Variants in FGF13 observed in about 807,000 individuals in gnomAD.
The protein encoded by FGF13 is fibroblast growth factor 13.
Under a neutral mutation model 19.5 loss-of-function variants are expected in FGF13, and 2 were observed. The ratio of observed to expected loss-of-function variants is 0.10; its 90% CI spans 0.04 to 0.32. The LOEUF is 0.32. Among genes scored for constraint, FGF13 ranks in the 10% least tolerant of loss-of-function variants. FGF13 has a pLI of 1.00. For synonymous variants in FGF13, 72 were observed against 76.9 expected (o/e 0.94, Z 0.33); for missense variants, 113 against 192.7 (o/e 0.59, Z 2.45).
intron 1 of FGF13, among the ~76,000 whole-genome samples, chrX:139,073,096 T>C (rs2092381854): frequency 9.2e-6 from 1 of 108,885 alleles, no homozygotes; most frequent in Non-Finnish European, 1.9e-5. Flanking sequence ...CAACGTTTCA[T>C]TGTATTGTTT....
chrX:138,902,404 C>T (rs1261918408), intron 1 of FGF13, among the ~76,000 whole-genome samples: 1 of 112,138 alleles, frequency 8.9e-6, no homozygotes, highest in Non-Finnish European at 1.9e-5. Flanking sequence ...ATCTTGTTCT[C>T]ATATGATCTT....
At chrX:139,204,377 C>G (rs1361844488), upstream of FGF13, 1 of 253,396 alleles carries the variant, frequency 3.9e-6, no homozygotes, top group Non-Finnish European at 6.9e-6. Flanking sequence ...CCGCTCGCCG[C>G]GCTCAAGAAG....
intron 1 of FGF13, among the ~76,000 whole-genome samples, chrX:138,976,256 T>G (rs2091939110): frequency 9.0e-6 from 1 of 111,685 alleles, no homozygotes; most frequent in Admixed American, 9.5e-5. Flanking sequence ...TAAAGAATAT[T>G]TTTTAAAAAT....
chrX:138,840,371 C>G (rs2091142480), intron 3 of FGF13, among the ~76,000 whole-genome samples: 1 of 111,639 alleles, frequency 9.0e-6, no homozygotes, highest in Non-Finnish European at 1.9e-5. Flanking sequence ...TAATGCTTAT[C>G]CAGAAACAGT....
chrX:139,023,643 G>T (rs1396171461), intron 1 of FGF13, among the ~76,000 whole-genome samples: 2 of 111,681 alleles, frequency 1.8e-5, no homozygotes, highest in Non-Finnish European at 3.8e-5. Flanking sequence ...AAATAACCCA[G>T]ATGAACAGCA....
chrX:139,168,476 G>A (rs369647167), intron 1 of FGF13, among the ~76,000 whole-genome samples: 32 of 111,754 alleles, frequency 2.9e-4, no homozygotes, highest in African/African-American at 1.0e-3. Flanking sequence ...TTAGGTAAAT[G>A]TTGAGGGGGA....
At chrX:138,682,762 T>C (rs967980418) in intron 3 of FGF13, among the ~76,000 whole-genome samples, 33 of 112,269 alleles carry the variant, frequency 2.9e-4, no homozygotes, top group African/African-American at 9.7e-4. Context: ...TGTTATTTAC[T>C]ATGTTAACAG....
chrX:138,632,619 G>A lies in FGF13; in HGVS notation c.*231C>T, dbSNP rs763861103. ...AGAAAATTTGGCAGTCCTTCTCTCA[G>A]ATTTAGTTCACTAAAATGCTTGGCA... On this transcript the variant is annotated 3_prime_UTR_variant, in exon 5 of 5. Coordinates refer to ENST00000315930, the MANE Select transcript of FGF13 (RefSeq NM_004114.5). The A allele has an allele frequency of 6.7e-5, 21 of 311,774 alleles. No individual in the cohort carries two copies. Among genetic ancestry groups the A allele is most frequent in the African/African-American group, 4.2e-4 (16 of 38,327 alleles). The allele number at this position is 311,774 out of a possible 1,213,427, so 25.7% of individuals were successfully genotyped here.
intron 3 of FGF13, among the ~76,000 whole-genome samples, chrX:138,758,659 T>C (rs1337767604): frequency 8.9e-6 from 1 of 111,783 alleles, no homozygotes; most frequent in Admixed American, 9.5e-5. Flanking sequence ...CAGCCTACCC[T>C]GAAGCTTTCT....
chrX:138,902,641 G>T lies in FGF13; in HGVS notation c.-112-37991C>A, dbSNP rs561277049. 1.2e-4 allele frequency among the ~76,000 whole-genome samples: 13 copies of T among 111,751 alleles called. No homozygotes were observed. In the South Asian group the frequency reaches 4.9e-3, roughly 42 times the overall value. ...ACAACAAGTAGAAAGGATAAAAGAG[G>T]AGGAATACAAAATCATATTGATTAA... is the stretch of plus-strand genomic sequence containing the variant. On this transcript the variant is annotated intron_variant, in intron 1 of 2. Transcript: ENST00000421460.
intron 1 of FGF13, among the ~76,000 whole-genome samples, chrX:138,963,221 C>T (rs1473374789): frequency 8.8e-6 from 1 of 113,153 alleles, no homozygotes; most frequent in Non-Finnish European, 1.9e-5. Context: ...AACGCCACTC[C>T]TGGCAAGACC....
At chrX:138,678,121 T>C (rs946295550) in intron 3 of FGF13, among the ~76,000 whole-genome samples, 1 of 111,205 alleles carries the variant, frequency 9.0e-6, no homozygotes, top group South Asian at 3.9e-4. Flanking sequence ...TAGGTGGGAA[T>C]TGAACAATGA....
rs989582305 is a variant in FGF13 at position 138,711,589 on chromosome X, C to A, written c.-586G>T. The A allele has an allele frequency of 1.6e-5, 12 of 754,410 alleles. No individual in the cohort carries two copies. The highest frequency in any genetic ancestry group is 1.4e-4 in the South Asian group (2 of 14,808). The allele number at this position is 754,410 out of a possible 1,213,427, so 62.2% of individuals were successfully genotyped here. On this transcript the variant is annotated 5_prime_UTR_variant, in exon 1 of 5. Coordinates refer to ENST00000315930, the MANE Select transcript of FGF13 (RefSeq NM_004114.5). ...GCGTGATAATCGGGAAAAGTTGGCC[C>A]GTGCCAGGTTTCCGACAGGGATCAA...
chrX:138,646,552 C>T (rs1240849611), intron 3 of FGF13, among the ~76,000 whole-genome samples: 3 of 111,676 alleles, frequency 2.7e-5, no homozygotes, highest in African/African-American at 9.8e-5. Context: ...CAGCAGCATT[C>T]CATTTATCTT....
chrX:139,015,087 A>G (rs1190226983), intron 1 of FGF13, among the ~76,000 whole-genome samples: 9 of 111,420 alleles, frequency 8.1e-5, no homozygotes, highest in Non-Finnish European at 1.1e-4. Context: ...AAAACCATAT[A>G]TGACCAACAC....
chrX:138,833,556 G>C (rs2091089810), intron 3 of FGF13, among the ~76,000 whole-genome samples: 2 of 111,644 alleles, frequency 1.8e-5, no homozygotes, highest in Non-Finnish European at 3.8e-5. Context: ...AAAAGCTTTT[G>C]AGCTGAGACT....
At chrX:139,202,488 T>A (rs936930465) in intron 1 of FGF13, among the ~76,000 whole-genome samples, 1 of 111,748 alleles carries the variant, frequency 8.9e-6, no homozygotes, top group African/African-American at 3.3e-5. Flanking sequence ...CTCTTTCACT[T>A]GGGATTGAAT....
At chrX:139,028,610 TGTGTGTGA>T (rs1239840473) in intron 1 of FGF13, among the ~76,000 whole-genome samples, 58 of 52,740 alleles carry the variant, frequency 1.1e-3, no homozygotes, top group South Asian at 6.4e-3. Context: ...TGTGTGTGTG[TGTGTGTGA>T]GAGAGAGAGA....
At chrX:139,185,009 T>G (rs1049689802) in intron 1 of FGF13, among the ~76,000 whole-genome samples, 1 of 111,617 alleles carries the variant, frequency 9.0e-6, no homozygotes, top group Non-Finnish European at 1.9e-5. Context: ...CTAGTTCACA[T>G]ACAGATGAAA....
Sources: gnomAD v4.1 joint callset for allele counts (sites outside exome capture counted in the v4.1 genomes callset) on GRCh38, gnomAD v4.1.1 for gene constraint, MANE v1.5 for transcripts, NCBI Gene and HGNC (gene_info 2026-07-23, HGNC 2026-07-21) for gene names.